Variants in CHST15 observed in about 807,000 individuals in gnomAD.
CHST15 encodes B cell RAG associated protein (GALNAC4S-6ST).
CHST15 carries 30 observed loss-of-function variants against 53.6 expected under a neutral mutation model. That is an observed-to-expected ratio of 0.56 (90% CI 0.42 to 0.76). The LOEUF (loss-of-function observed/expected upper bound fraction) is 0.76, where lower values mean the gene tolerates loss of function less well. CHST15 is among the 30% of genes least tolerant of loss of function. The probability of loss-of-function intolerance (pLI) is 0.00; values close to 1 mark genes in which losing one functional copy is unlikely to be tolerated. For synonymous variants in CHST15, 296 were observed against 289.8 expected (o/e 1.02, Z -0.22); for missense variants, 627 against 740.5 (o/e 0.85, Z 1.78).
At chr10:124,027,265 G>A (rs920213801) in intron 5 of CHST15, among the ~76,000 whole-genome samples, 8 of 152,238 alleles carry the variant, frequency 5.3e-5, no homozygotes, top group East Asian at 1.9e-4. Context: ...CTGGAGGAGC[G>A]GTGGGATGGG....
intron 1 of CHST15, among the ~76,000 whole-genome samples, chr10:124,077,789 C>T (rs1453502135): frequency 6.6e-6 from 1 of 152,236 alleles, no homozygotes; most frequent in East Asian, 1.9e-4. Context: ...GCCTGAGCAG[C>T]TCGCACAGTC....
intron 1 of CHST15, among the ~76,000 whole-genome samples, chr10:124,089,856 C>T (rs957624760): frequency 6.6e-6 from 1 of 152,164 alleles, no homozygotes; most frequent in East Asian, 1.9e-4. Context: ...GTCCTAGCCC[C>T]GCCAAATCAT....
chr10:124,074,253 C>T lies in CHST15; in HGVS notation c.-513+19216G>A, dbSNP rs187921900. ...AAGACACCGAACCCTTGCACTGATGCCATTAGACAGTTTCTACTTGGCAAG... is the reference window on the plus strand; with the variant it reads ...AAGACACCGAACCCTTGCACTGATGTCATTAGACAGTTTCTACTTGGCAAG... On this transcript the variant is annotated intron_variant, in intron 1 of 7. Coordinates refer to ENST00000435907, the MANE Select transcript of CHST15 (RefSeq NM_001270764.2). The surrounding 1 kb of genome is among the most constrained non-coding windows in gnomAD (Gnocchi z 4.4). Among the ~76,000 whole-genome samples, 239 of 152,258 alleles carry T rather than the reference C, an allele frequency of 1.6e-3. No homozygotes were observed. The highest frequency in any genetic ancestry group is 6.6e-3 in the South Asian group (32 of 4,818).
intron 5 of CHST15, among the ~76,000 whole-genome samples, chr10:124,038,082 C>T (rs1053343404): frequency 2.0e-5 from 3 of 151,808 alleles, no homozygotes; most frequent in Admixed American, 6.6e-5. Flanking sequence ...TTGCAAGTTC[C>T]GTTTATTTTT....
intron 6 of CHST15, among the ~76,000 whole-genome samples, chr10:124,016,794 G>C (rs529250578): frequency 6.6e-6 from 1 of 152,320 alleles, no homozygotes; most frequent in African/African-American, 2.4e-5. Context: ...CTTGGGACAG[G>C]GGCTGGCAGT....
intron 1 of CHST15, among the ~76,000 whole-genome samples, chr10:124,093,180 G>A (rs1949658576): frequency 6.6e-6 from 1 of 152,266 alleles, no homozygotes. Context: ...GGGAGGCCGG[G>A]CCAAGGAGCC....
At chr10:124,011,930 C>A (rs1946428393) in intron 7 of CHST15, 1 of 856,504 alleles carries the variant, frequency 1.2e-6, no homozygotes, top group Admixed American at 6.2e-5. Flanking sequence ...AGCTCTCAGG[C>A]CCTTTCCTTC....
At chr10:124,039,943 C>G (rs1024608159) in intron 4 of CHST15, among the ~76,000 whole-genome samples, 1 of 152,184 alleles carries the variant, frequency 6.6e-6, no homozygotes, top group Non-Finnish European at 1.5e-5. Context: ...TGTATCATAT[C>G]CCTGCAGGCC....
chr10:124,066,652 C>A (rs1948758540), intron 1 of CHST15, among the ~76,000 whole-genome samples: 1 of 152,214 alleles, frequency 6.6e-6, no homozygotes, highest in Non-Finnish European at 1.5e-5. Context: ...GGATGATGAA[C>A]AAATCCCAAA....
In CHST15 at chr10:124,074,017, C is replaced by A. The variant is rs2134173628; in HGVS notation, c.-513+19452G>T. ...ACCTACGGGCTAGGCACACACAGGG[C>A]AGGGGAGAGGTCTCAAATGGGGGCT... On this transcript the variant is annotated intron_variant, in intron 1 of 7. Transcript: ENST00000435907. This position sits in a 1 kb window ranked among gnomAD's most constrained non-coding sequence, Gnocchi z 4.4. 6.6e-6 allele frequency among the ~76,000 whole-genome samples: 1 copy of A among 152,292 alleles called. No homozygotes were observed. Among genetic ancestry groups the A allele is most frequent in the East Asian group, 1.9e-4 (1 of 5,178 alleles).
intron 3 of CHST15, among the ~76,000 whole-genome samples, chr10:124,042,676 C>T (rs928311226): frequency 1.4e-4 from 21 of 152,136 alleles, no homozygotes; most frequent in African/African-American, 5.1e-4. Context: ...CTGGAAGATA[C>T]CACCACTAAG....
At chr10:124,051,131 C>T (rs975446560) in intron 1 of CHST15, among the ~76,000 whole-genome samples, 5 of 151,978 alleles carry the variant, frequency 3.3e-5, no homozygotes, top group Admixed American at 6.6e-5. Flanking sequence ...TTAATAGAGA[C>T]GGAGTTTCAC....
At chr10:124,070,506 G>C (rs971080140) in intron 1 of CHST15, among the ~76,000 whole-genome samples, 1 of 152,148 alleles carries the variant, frequency 6.6e-6, no homozygotes, top group African/African-American at 2.4e-5. Context: ...AGCCTCCTGA[G>C]TGGCTGGGAC....
intron 1 of CHST15, among the ~76,000 whole-genome samples, chr10:124,058,738 A>G (rs1264054760): frequency 2.6e-5 from 4 of 152,210 alleles, no homozygotes; most frequent in Non-Finnish European, 4.4e-5. Flanking sequence ...AGTGCTCAAT[A>G]AATACTTTTA....
intron 1 of CHST15, among the ~76,000 whole-genome samples, chr10:124,053,673 A>G (rs1313295455): frequency 6.6e-6 from 1 of 152,026 alleles, no homozygotes; most frequent in Non-Finnish European, 1.5e-5. Flanking sequence ...CACACCTGTC[A>G]TCCCAGCACT....
chr10:124,021,224 G>C, intron 6 of CHST15, 32 bp downstream of exon 6: 2 of 1,413,762 alleles, frequency 1.4e-6, no homozygotes, highest in East Asian at 2.5e-5. Context: ...CCAGGGGCCA[G>C]CTCGGGGGGT....
At chr10:124,029,727 G>A (rs1947151026) in intron 5 of CHST15, among the ~76,000 whole-genome samples, 1 of 152,260 alleles carries the variant, frequency 6.6e-6, no homozygotes, top group South Asian at 2.1e-4. Context: ...GGCGCAGGGT[G>A]TGGGCCCCTC....
intron 5 of CHST15, among the ~76,000 whole-genome samples, chr10:124,034,727 C>G (rs1308792844): frequency 7.0e-6 from 1 of 142,286 alleles, no homozygotes; most frequent in Non-Finnish European, 1.5e-5. Flanking sequence ...GCTCCACCCC[C>G]TAACAGGGAC....
intron 6 of CHST15, among the ~76,000 whole-genome samples, chr10:124,013,512 T>A (rs557485846): frequency 6.6e-6 from 1 of 152,290 alleles, no homozygotes; most frequent in South Asian, 2.1e-4. Context: ...CTTGGCTGAT[T>A]TTAATCTTCA....
Sources: allele counts gnomAD v4.1 joint callset (sites outside exome capture counted in the v4.1 genomes callset), GRCh38; gene constraint gnomAD v4.1.1; non-coding constraint Gnocchi (gnomAD v3.1); transcripts MANE v1.5; gene names NCBI Gene and HGNC (gene_info 2026-07-23, HGNC 2026-07-21).